The following DISC1 variants were observed in gnomAD, a reference collection of about 807,000 sequenced individuals.
The protein encoded by DISC1 is DISC1 scaffold protein.
DISC1 carries 57 observed loss-of-function variants against 84.5 expected under a neutral mutation model. The observed-to-expected ratio is 0.67, with a 90% CI of 0.55 to 0.84. The LOEUF (loss-of-function observed/expected upper bound fraction) is 0.84, where lower values mean the gene tolerates loss of function less well. Among genes scored for constraint, DISC1 ranks in the 40% least tolerant of loss-of-function variants. DISC1 has a pLI of 0.00. For missense variants in DISC1, 1,000 were observed against 1,057.8 expected (o/e 0.95, Z 0.76); for synonymous variants, 411 against 415.2 (o/e 0.99, Z 0.12).
At chr1:231,943,608 C>G (rs1254217117) in intron 9 of DISC1, 2 of 152,086 alleles carry the variant, frequency 1.3e-5, no homozygotes, top group African/African-American at 4.8e-5. Context: ...TAGGAATGAC[C>G]CTGGGAGGAG....
intron 10 of DISC1, among the ~76,000 whole-genome samples, chr1:231,994,107 G>C (rs1439994574): frequency 6.6e-6 from 1 of 152,204 alleles, no homozygotes; most frequent in African/African-American, 2.4e-5. Flanking sequence ...TCCTAAAACA[G>C]TCCTTGTACT....
intron 9 of DISC1, among the ~76,000 whole-genome samples, chr1:231,916,867 G>A (rs2089674882): frequency 6.6e-6 from 1 of 152,078 alleles, no homozygotes; most frequent in South Asian, 2.1e-4. Flanking sequence ...GGGTCTTTGG[G>A]CAGGTAAGTT....
At position 231,679,778 on chromosome 1, in the gene DISC1, A is replaced by G. The variant is rs149544487; in HGVS notation, c.68-14048A>G. The stretch of plus-strand genomic sequence containing the variant: ...CTAAGTTTTCCCACTGTCGTCTTCC[A>G]TAAGGTATTAATTGGTTTAAACAGC... On this transcript the variant is annotated intron_variant, in intron 1 of 12. Coordinates refer to ENST00000439617, the MANE Select transcript of DISC1 (RefSeq NM_018662.3). Among the ~76,000 whole-genome samples, 96 of 152,342 alleles carry G rather than the reference A, an allele frequency of 6.3e-4. 1 individual carries two copies. The East Asian group carries it at 9.6e-3, about 15-fold the overall frequency.
At chr1:231,738,257 C>G (rs1041960678) in intron 3 of DISC1, among the ~76,000 whole-genome samples, 13 of 152,222 alleles carry the variant, frequency 8.5e-5, no homozygotes, top group Admixed American at 3.3e-4. Flanking sequence ...ACACTCTTCT[C>G]CAGTCTACAG....
Position 231,675,906 on chromosome 1 carries a change from T to G in DISC1, c.68-17920T>G, listed in dbSNP as rs756546754. On this transcript the variant is annotated intron_variant, in intron 1 of 12. Transcript: ENST00000439617. The surrounding 1 kb of genome is among the most constrained non-coding windows in gnomAD (Gnocchi z 4.1). ...CACTGTCGCCCAGGCTGGAATGCAATGATGTGATCTCGGGTCACTGCAACC... is the reference window on the plus strand; with the variant it reads ...CACTGTCGCCCAGGCTGGAATGCAAGGATGTGATCTCGGGTCACTGCAACC... Among the ~76,000 whole-genome samples, 7 of 150,910 alleles carry G rather than the reference T, an allele frequency of 4.6e-5. No homozygotes were observed. The highest frequency in any genetic ancestry group is 8.8e-5 in the Non-Finnish European group (6 of 67,848).
chr1:231,628,907 A>G (rs61836919), intron 1 of DISC1, among the ~76,000 whole-genome samples: 1 of 151,270 alleles, frequency 6.6e-6, no homozygotes, highest in South Asian at 2.1e-4. Flanking sequence ...ATGCCCAGCT[A>G]ATTTTTTTTT....
At chr1:231,762,514 GTTT>G (rs752334318) in intron 4 of DISC1, among the ~76,000 whole-genome samples, 5,976 of 52,812 alleles carry the variant, frequency 0.11, 169 homozygotes, top group Middle Eastern at 0.18. Context: ...GTTTTGTTTT[GTTT>G]TTTTTTTTTT....
rs375272404 is a variant in DISC1, at chr1:231,831,492, T to C, written c.1981+12975T>C. ...CAGGGGAGTAGGTGGGAATGACTGATGTGAAGGAGAAAAACTGGCCGTGAG... is the reference window on the plus strand; with the variant it reads ...CAGGGGAGTAGGTGGGAATGACTGACGTGAAGGAGAAAAACTGGCCGTGAG... On this transcript the variant is annotated intron_variant, in intron 9 of 12. Coordinates refer to ENST00000439617, the MANE Select transcript of DISC1 (RefSeq NM_018662.3). Among the ~76,000 whole-genome samples the C allele has an allele frequency of 1.7e-3, 257 of 152,188 alleles. 1 individual carries two copies. The highest frequency in any genetic ancestry group is 6.0e-3 in the African/African-American group (247 of 41,502).
intron 3 of DISC1, among the ~76,000 whole-genome samples, chr1:231,715,180 T>C (rs1159879114): frequency 1.3e-5 from 2 of 152,154 alleles, no homozygotes; most frequent in Non-Finnish European, 2.9e-5. Flanking sequence ...TGTCTGTCTC[T>C]GTGATGAGGT....
chr1:231,849,461 T>C (rs2083715306), intron 9 of DISC1, among the ~76,000 whole-genome samples: 1 of 152,030 alleles, frequency 6.6e-6, no homozygotes, highest in Non-Finnish European at 1.5e-5. Context: ...CTCAGAGAGG[T>C]TAGACAACAT....
intron 3 of DISC1, among the ~76,000 whole-genome samples, chr1:231,703,351 CAG>C (rs2066643312): frequency 6.6e-6 from 1 of 152,196 alleles, no homozygotes; most frequent in Non-Finnish European, 1.5e-5. Flanking sequence ...AGCCCAGCGT[CAG>C]TGGCTTCAGC....
chr1:232,001,912 G>A (rs550487155), intron 10 of DISC1, among the ~76,000 whole-genome samples: 28 of 152,252 alleles, frequency 1.8e-4, no homozygotes, highest in African/African-American at 6.5e-4. Flanking sequence ...AAAACCTTTT[G>A]CTCTGTAAAG....
rs147189435 is a variant in DISC1, at chr1:231,771,077, C to G, written c.1634+7C>G. ...CACCGGAAACCATAAGGAGGTACTG[C>G]TGATTTCCTAACTGATTTTGGGTCG... On this transcript the variant is annotated splice_region_variant and intron_variant, in intron 6 of 12. Transcript: ENST00000439617. 1.2e-4 allele frequency: 196 copies of G among 1,577,056 alleles called. 1 individual carries two copies. The African/African-American group carries it at 2.4e-3, about 19-fold the overall frequency.
At chr1:231,998,868 G>T (rs749362096) in intron 10 of DISC1, among the ~76,000 whole-genome samples, 57 of 152,220 alleles carry the variant, frequency 3.7e-4, no homozygotes, top group Middle Eastern at 6.8e-3. Flanking sequence ...CTAAAATATA[G>T]CCTCAAAATA....
At chr1:231,820,676 A>G (rs1009620272) in intron 9 of DISC1, among the ~76,000 whole-genome samples, 1 of 152,152 alleles carries the variant, frequency 6.6e-6, no homozygotes, top group African/African-American at 2.4e-5. Flanking sequence ...AGCCACATGC[A>G]TGTCCAAGTC....
At chr1:231,880,759 G>C (rs959000943) in intron 9 of DISC1, among the ~76,000 whole-genome samples, 7 of 1,964 alleles carry the variant, frequency 3.6e-3, no homozygotes, top group South Asian at 0.038. Flanking sequence ...GGCAAGGTGG[G>C]GGGGGGGTGA....
At chr1:231,961,660 CT>C (rs1660397145) in intron 10 of DISC1, among the ~76,000 whole-genome samples, 1 of 152,110 alleles carries the variant, frequency 6.6e-6, no homozygotes, top group Non-Finnish European at 1.5e-5. Flanking sequence ...CATTAATTTG[CT>C]TAGAATAATG....
intron 8 of DISC1, among the ~76,000 whole-genome samples, chr1:231,806,307 G>A (rs1415141140): frequency 1.3e-5 from 2 of 152,166 alleles, no homozygotes; most frequent in African/African-American, 4.8e-5. Context: ...AAAGGGCAGC[G>A]GTGGCATCCA....
intron 10 of DISC1, among the ~76,000 whole-genome samples, chr1:232,000,404 A>G (rs568472759): frequency 1.3e-5 from 2 of 152,322 alleles, no homozygotes; most frequent in African/African-American, 2.4e-5. Context: ...CCCAATCTGA[A>G]CAAGAAACAA....
Sources: gnomAD v4.1 joint callset for allele counts (sites outside exome capture counted in the v4.1 genomes callset) on GRCh38, gnomAD v4.1.1 for gene constraint, Gnocchi (gnomAD v3.1) non-coding constraint, MANE v1.5 for transcripts, NCBI Gene and HGNC (gene_info 2026-07-23, HGNC 2026-07-21) for gene names.